The following EYS variants were observed in gnomAD, a reference collection of about 807,000 sequenced individuals.
EYS encodes EGF-like photoreceptor maintenance factor.
A neutral mutation model predicts 282.1 loss-of-function variants in EYS; 250 were observed. That is an observed-to-expected ratio of 0.89 (90% CI 0.80 to 0.98). EYS has a LOEUF of 0.98. EYS is among the 50% of genes least tolerant of loss of function. The pLI, the probability that EYS is intolerant of heterozygous loss-of-function variation, is 0.00. For missense variants in EYS, 4,016 were observed against 3,709.0 expected (o/e 1.08, Z -2.15); for synonymous variants, 1,355 against 1,282.9 (o/e 1.06, Z -1.20).
intron 31 of EYS, among the ~76,000 whole-genome samples, chr6:64,222,455 A>G (rs1308402562): frequency 6.6e-6 from 1 of 152,050 alleles, no homozygotes; most frequent in Non-Finnish European, 1.5e-5. Flanking sequence ...TCAGGTTCAC[A>G]TTAGCCCTTG....
At chr6:65,390,767 T>C (rs536252787) in intron 7 of EYS, among the ~76,000 whole-genome samples, 1 of 151,806 alleles carries the variant, frequency 6.6e-6, no homozygotes, top group African/African-American at 2.4e-5. Flanking sequence ...CCCCAGCTAC[T>C]CGGTTACTTG....
chr6:65,323,111 C>T (rs1769522366), intron 11 of EYS, among the ~76,000 whole-genome samples: 1 of 146,332 alleles, frequency 6.8e-6, no homozygotes, highest in Non-Finnish European at 1.5e-5. Flanking sequence ...TCTTAAAATA[C>T]ATTTTTTATT....
intron 41 of EYS, among the ~76,000 whole-genome samples, chr6:63,733,462 C>A (rs1582152663): frequency 6.6e-6 from 1 of 152,182 alleles, no homozygotes; most frequent in East Asian, 1.9e-4. Flanking sequence ...CTAGTAGACC[C>A]CAGTGCCTAT....
intron 29 of EYS, among the ~76,000 whole-genome samples, chr6:64,363,076 C>T (rs571736759): frequency 5.9e-5 from 9 of 151,520 alleles, no homozygotes; most frequent in Non-Finnish European, 1.3e-4. Flanking sequence ...AATCCTCCCA[C>T]CTTAACCTCC....
chr6:64,135,003 T>A (rs1340028285), intron 31 of EYS, among the ~76,000 whole-genome samples: 1 of 152,112 alleles, frequency 6.6e-6, no homozygotes, highest in Non-Finnish European at 1.5e-5. Flanking sequence ...AATAGAAGCA[T>A]CTGCAAGACA....
chr6:65,255,919 C>A (rs115541260), intron 12 of EYS, among the ~76,000 whole-genome samples: 256 of 152,100 alleles, frequency 1.7e-3, no homozygotes, highest in African/African-American at 6.0e-3. Context: ...ATTAGTACAG[C>A]CACTGTGGAT....
intron 15 of EYS, among the ~76,000 whole-genome samples, chr6:64,926,356 T>C (rs1445978692): frequency 6.6e-6 from 1 of 152,074 alleles, no homozygotes; most frequent in African/African-American, 2.4e-5. Flanking sequence ...TCCACATAGC[T>C]CCCTATGAGC....
intron 33 of EYS, among the ~76,000 whole-genome samples, chr6:64,045,428 T>TTTTATTTTATTTTATTTTA (rs1770575842): frequency 1.5e-5 from 2 of 134,554 alleles, no homozygotes; most frequent in South Asian, 5.0e-4. Flanking sequence ...TTTTATTTTA[T>TTTTATTTTATTTTATTTTA]TTTATTTTAT....
At chr6:64,762,476 G>A (rs745686662) in intron 22 of EYS, among the ~76,000 whole-genome samples, 1 of 152,186 alleles carries the variant, frequency 6.6e-6, no homozygotes, top group Non-Finnish European at 1.5e-5. Flanking sequence ...AGCAACATGA[G>A]AGTGATGTAA....
At chr6:64,283,860 T>G (rs1380247137) in intron 30 of EYS, among the ~76,000 whole-genome samples, 1 of 152,088 alleles carries the variant, frequency 6.6e-6, no homozygotes, top group East Asian at 1.9e-4. Context: ...CCATCAGATC[T>G]CATGAGACTT....
chr6:63,964,085 G>T, intron 35 of EYS, among the ~76,000 whole-genome samples: 1 of 151,522 alleles, frequency 6.6e-6, no homozygotes, highest in African/African-American at 2.4e-5. Context: ...AACAGTAACA[G>T]TTTTTTTTTC....
At chr6:64,985,673 T>C (rs971436665) in intron 14 of EYS, among the ~76,000 whole-genome samples, 4 of 151,726 alleles carry the variant, frequency 2.6e-5, no homozygotes, top group Non-Finnish European at 5.9e-5. Flanking sequence ...AGACAAACTA[T>C]TGGACACAAT....
At chr6:64,954,579 G>C (rs1769626637) in intron 14 of EYS, among the ~76,000 whole-genome samples, 2 of 152,038 alleles carry the variant, frequency 1.3e-5, no homozygotes, top group African/African-American at 4.8e-5. Context: ...ACATGTTTTG[G>C]TCTGAGAGCC....
chr6:65,465,309 C>A (rs77664131), intron 5 of EYS, among the ~76,000 whole-genome samples: 1,631 of 151,916 alleles, frequency 0.011, 25 homozygotes, highest in African/African-American at 0.037. Flanking sequence ...GGTACCTCAT[C>A]TCCCCCCATT....
intron 5 of EYS, among the ~76,000 whole-genome samples, chr6:65,452,787 T>C (rs1309861284): frequency 2.0e-5 from 3 of 152,002 alleles, no homozygotes; most frequent in Non-Finnish European, 2.9e-5. Context: ...TAAATCACTG[T>C]ACTTGCATAT....
At chr6:65,433,291 T>A (rs1180733679) in intron 5 of EYS, among the ~76,000 whole-genome samples, 1 of 152,170 alleles carries the variant, frequency 6.6e-6, no homozygotes, top group Admixed American at 6.5e-5. Context: ...ATCAATTTTA[T>A]GACAATCACT....
intron 2 of EYS, among the ~76,000 whole-genome samples, chr6:65,517,563 C>T (rs1405255345): frequency 6.6e-6 from 1 of 152,098 alleles, no homozygotes; most frequent in Admixed American, 6.6e-5. Context: ...ATTACATCCT[C>T]ATGAGGTCTA....
At chr6:64,988,496 TA>T (rs1487036044) in intron 14 of EYS, among the ~76,000 whole-genome samples, 1 of 151,550 alleles carries the variant, frequency 6.6e-6, no homozygotes, top group Non-Finnish European at 1.5e-5. Flanking sequence ...GACGTACAGG[TA>T]AACACCTGAC....
intron 28 of EYS, among the ~76,000 whole-genome samples, chr6:64,422,942 T>C (rs1326234425): frequency 1.3e-5 from 2 of 151,582 alleles, no homozygotes; most frequent in Non-Finnish European, 2.9e-5. Context: ...TACATGTCTA[T>C]TAGGACTATA....
Sources: allele counts gnomAD v4.1 joint callset (sites outside exome capture counted in the v4.1 genomes callset), GRCh38; gene constraint gnomAD v4.1.1; transcripts MANE v1.5; gene names NCBI Gene and HGNC (gene_info 2026-07-23, HGNC 2026-07-21).